Variants in NCAM1 observed in about 807,000 individuals in gnomAD.
NCAM1 encodes the protein neural cell adhesion molecule 1.
A neutral mutation model predicts 109.8 loss-of-function variants in NCAM1; 14 were observed. That is an observed-to-expected ratio of 0.13 (90% CI 0.08 to 0.20). The LOEUF is 0.20. NCAM1 is among the 10% of genes least tolerant of loss of function. The pLI is 1.00. For synonymous variants in NCAM1, 418 were observed against 442.9 expected (o/e 0.94, Z 0.70); for missense variants, 774 against 1,109.9 (o/e 0.70, Z 4.30).
chr11:113,070,941 G>A (rs903663347), intron 1 of NCAM1, among the ~76,000 whole-genome samples: 1 of 152,128 alleles, frequency 6.6e-6, no homozygotes, highest in East Asian at 1.9e-4. Context: ...AACGCAGTCT[G>A]CATCATTTAT....
intron 1 of NCAM1, among the ~76,000 whole-genome samples, chr11:113,156,081 T>A (rs1942400456): frequency 6.6e-6 from 1 of 152,072 alleles, no homozygotes; most frequent in African/African-American, 2.4e-5. Context: ...GGAAAGAGAA[T>A]AGAGATGGAT....
At chr11:113,031,362 T>C (rs377758800) in intron 1 of NCAM1, among the ~76,000 whole-genome samples, 1 of 152,006 alleles carries the variant, frequency 6.6e-6, no homozygotes, top group Admixed American at 6.6e-5. Flanking sequence ...GACATCACCG[T>C]CAAAAGCACA....
At chr11:113,032,014 C>T (rs1372201434) in intron 1 of NCAM1, among the ~76,000 whole-genome samples, 1 of 152,110 alleles carries the variant, frequency 6.6e-6, no homozygotes, top group East Asian at 1.9e-4. Flanking sequence ...GTGATCACAG[C>T]TCCCTGCAGC....
chr11:113,212,524 CG>C (rs1835631027), intron 7 of NCAM1, among the ~76,000 whole-genome samples: 2 of 152,158 alleles, frequency 1.3e-5, no homozygotes, highest in Non-Finnish European at 2.9e-5. Context: ...GTCAGCAAAA[CG>C]CTGTCCAGAT....
chr11:113,163,773 A>G (rs1406174397), intron 1 of NCAM1, among the ~76,000 whole-genome samples: 2 of 152,186 alleles, frequency 1.3e-5, no homozygotes, highest in Non-Finnish European at 2.9e-5. Context: ...TCAGGGTTCA[A>G]CTGCCCTGAA....
chr11:113,225,555 A>G (rs1346388457), intron 9 of NCAM1, among the ~76,000 whole-genome samples: 1 of 152,222 alleles, frequency 6.6e-6, no homozygotes, highest in Non-Finnish European at 1.5e-5. Context: ...AGGCAGGCTA[A>G]CATTCAAATT....
At chr11:113,127,666 G>A (rs1183445237) in intron 1 of NCAM1, among the ~76,000 whole-genome samples, 1 of 152,168 alleles carries the variant, frequency 6.6e-6, no homozygotes, top group Non-Finnish European at 1.5e-5. Context: ...TTGAAAATTG[G>A]TAATTCAATC....
chr11:113,022,813 C>G (rs1049234053), intron 1 of NCAM1, among the ~76,000 whole-genome samples: 2 of 152,134 alleles, frequency 1.3e-5, no homozygotes, highest in African/African-American at 4.8e-5. Context: ...ATCTTTATTA[C>G]TAGGATCTTA....
chr11:113,134,653 C>T (rs1941533359), intron 1 of NCAM1, among the ~76,000 whole-genome samples: 1 of 152,146 alleles, frequency 6.6e-6, no homozygotes. Context: ...CCTTTCTCTT[C>T]CCTACTTCTC....
At chr11:113,205,912 G>C (rs782221044) in intron 4 of NCAM1, 131 bp from the exon 5 acceptor site, 2 of 1,200,096 alleles carry the variant, frequency 1.7e-6, no homozygotes, top group African/African-American at 3.1e-5. Flanking sequence ...AGCCAGGGAC[G>C]CATTTTCTTA....
At chr11:113,107,282 T>A (rs551806600) in intron 1 of NCAM1, among the ~76,000 whole-genome samples, 1 of 152,204 alleles carries the variant, frequency 6.6e-6, no homozygotes, top group Non-Finnish European at 1.5e-5. Context: ...GTATAGTCTC[T>A]GAAGGTTCTC....
intron 15 of NCAM1, among the ~76,000 whole-genome samples, chr11:113,251,853 G>A (rs543295084): frequency 5.3e-4 from 81 of 152,304 alleles, no homozygotes; most frequent in African/African-American, 1.9e-3. Flanking sequence ...TAATGTGCTC[G>A]ATAAAGCAGT....
intron 1 of NCAM1, among the ~76,000 whole-genome samples, chr11:113,052,221 G>A (rs921300883): frequency 3.9e-5 from 6 of 152,144 alleles, no homozygotes; most frequent in Non-Finnish European, 5.9e-5. Context: ...GCTGCAAGTC[G>A]AGTCAATAAA....
chr11:113,231,584 A>T, intron 9 of NCAM1, 61 bp from the exon 10 acceptor site: 1 of 1,539,878 alleles, frequency 6.5e-7, no homozygotes, highest in Non-Finnish European at 8.9e-7. Context: ...CTGCCATAGC[A>T]CTGTTGCCCT....
chr11:113,246,132 C>T, intron 14 of NCAM1: 3 of 531,278 alleles, frequency 5.6e-6, no homozygotes, highest in South Asian at 6.2e-5. Context: ...TTTCACTGCC[C>T]TCCCAATGTT....
chr11:112,972,575 A>G (rs1340822519), intron 1 of NCAM1, among the ~76,000 whole-genome samples: 4 of 152,146 alleles, frequency 2.6e-5, no homozygotes, highest in East Asian at 1.9e-4. Flanking sequence ...TCACCCTGTA[A>G]TCAAGACTGG....
At chr11:113,031,478 G>A (rs1555078322) in intron 1 of NCAM1, among the ~76,000 whole-genome samples, 1 of 152,128 alleles carries the variant, frequency 6.6e-6, no homozygotes. Flanking sequence ...GATCGCCTGA[G>A]GTCAGGAGTT....
chr11:113,237,828 C>T (rs1246642539), intron 14 of NCAM1, among the ~76,000 whole-genome samples: 1 of 150,616 alleles, frequency 6.6e-6, no homozygotes, highest in Non-Finnish European at 1.5e-5. Context: ...TCATTCATTG[C>T]CAGCTCAGTT....
rs782725505 is a variant in NCAM1, at chr11:113,242,790, G to C, written c.1826-3578G>C. 13 of 1,611,646 alleles carry C rather than the reference G, an allele frequency of 8.1e-6. No homozygotes were observed. In the South Asian group the frequency reaches 1.1e-4, roughly 14 times the overall value. ...TCACCTTTCTTTGCCTTTTCTGTCTGTCGTGTTTCCATAGCAACTTGGCCT... is the reference window on the plus strand; with the variant it reads ...TCACCTTTCTTTGCCTTTTCTGTCTCTCGTGTTTCCATAGCAACTTGGCCT... On this transcript the variant is annotated intron_variant, in intron 14 of 19. Coordinates refer to ENST00000316851, the MANE Select transcript of NCAM1 (RefSeq NM_181351.5).
Sources: allele counts gnomAD v4.1 joint callset (sites outside exome capture counted in the v4.1 genomes callset), GRCh38; gene constraint gnomAD v4.1.1; transcripts MANE v1.5; gene names NCBI Gene and HGNC (gene_info 2026-07-23, HGNC 2026-07-21).